AKR1C8: variants seen among roughly 807,000 people sequenced by gnomAD.
The protein encoded by AKR1C8 is aldo-keto reductase family 1 member C-like protein 1.
the AKR1C8 span, chr10:5,162,063 T>C: frequency 2.2e-6 from 1 of 446,692 alleles, no homozygotes; most frequent in Non-Finnish European, 4.6e-6. Flanking sequence ...GAGATATGAG[T>C]CTTAAAACAC....
At chr10:5,181,286 A>G in the AKR1C8 span, among the ~76,000 whole-genome samples, 1 of 152,228 alleles carries the variant, frequency 6.6e-6, no homozygotes, top group East Asian at 1.9e-4. Context: ...TGACATTAAT[A>G]AAAAACTAAT....
chr10:5,128,131 C>T, the AKR1C8 span, among the ~76,000 whole-genome samples: 1 of 152,242 alleles, frequency 6.6e-6, no homozygotes, highest in South Asian at 2.1e-4. Flanking sequence ...TATCTTTAGC[C>T]TTCTTAAACA....
chr10:5,127,850 A>C, the AKR1C8 span, among the ~76,000 whole-genome samples: 1 of 152,126 alleles, frequency 6.6e-6, no homozygotes, highest in African/African-American at 2.4e-5. Flanking sequence ...AAAGTTTGGA[A>C]AACTTACCTG....
the AKR1C8 span, chr10:5,123,922 A>T: frequency 8.1e-7 from 1 of 1,239,476 alleles, no homozygotes; most frequent in Non-Finnish European, 1.1e-6. Flanking sequence ...AAATATGTGT[A>T]GCATCAAATT....
At chr10:5,127,527 T>A in the AKR1C8 span, among the ~76,000 whole-genome samples, 1 of 151,920 alleles carries the variant, frequency 6.6e-6, no homozygotes, top group African/African-American at 2.4e-5. Flanking sequence ...AAGATCAGCC[T>A]GGCCAACATG....
the AKR1C8 span, chr10:5,159,846 A>G: frequency 8.2e-6 from 4 of 487,328 alleles, no homozygotes; most frequent in Non-Finnish European, 1.7e-5. Context: ...GTGAACAGCA[A>G]AAAGTCAGAG....
chr10:5,151,304 GCTAATATATTAGTC>G, the AKR1C8 span, among the ~76,000 whole-genome samples: 410 of 152,214 alleles, frequency 2.7e-3, 2 homozygotes, highest in African/African-American at 9.2e-3. Context: ...TAATCTTGTG[GCTAATATATTAGTC>G]CTACTAAAGC....
At chr10:5,182,419 A>C in the AKR1C8 span, among the ~76,000 whole-genome samples, 4 of 152,118 alleles carry the variant, frequency 2.6e-5, no homozygotes, top group Admixed American at 2.0e-4. Context: ...ACCTATAATA[A>C]ATAAAGAATG....
chr10:5,181,309 T>C, the AKR1C8 span, among the ~76,000 whole-genome samples: 1 of 152,168 alleles, frequency 6.6e-6, no homozygotes, highest in Non-Finnish European at 1.5e-5. Context: ...AAGGGTGAAA[T>C]TCGACTTTCT....
At chr10:5,118,843 TTTTC>T in the AKR1C8 span, among the ~76,000 whole-genome samples, 3 of 152,158 alleles carry the variant, frequency 2.0e-5, no homozygotes, top group African/African-American at 4.8e-5. Flanking sequence ...AGATATTTTG[TTTTC>T]TTTCTATTAC....
At chr10:5,144,554 C>T in the AKR1C8 span, among the ~76,000 whole-genome samples, 27 of 151,128 alleles carry the variant, frequency 1.8e-4, no homozygotes, top group Non-Finnish European at 3.5e-4. Context: ...TTTCCTTGAG[C>T]AGTGGTTTGT....
the AKR1C8 span, among the ~76,000 whole-genome samples, chr10:5,173,561 A>G: frequency 6.6e-6 from 1 of 152,024 alleles, no homozygotes; most frequent in Non-Finnish European, 1.5e-5. Context: ...CTATAAACAA[A>G]TAGTGGTACA....
chr10:5,183,398 A>G, the AKR1C8 span, among the ~76,000 whole-genome samples: 1 of 152,178 alleles, frequency 6.6e-6, no homozygotes, highest in Non-Finnish European at 1.5e-5. Flanking sequence ...ATCAGGACGT[A>G]TCAACAACCT....
the AKR1C8 span, among the ~76,000 whole-genome samples, chr10:5,125,739 TCA>T: frequency 6.6e-5 from 10 of 152,196 alleles, no homozygotes; most frequent in African/African-American, 1.9e-4. Flanking sequence ...CCAAGGAATC[TCA>T]CAGAGTCTAT....
At chr10:5,172,352 ATAAGGT>A in the AKR1C8 span, among the ~76,000 whole-genome samples, 1 of 152,084 alleles carries the variant, frequency 6.6e-6, no homozygotes, top group African/African-American at 2.4e-5. Flanking sequence ...AAGTTACCAC[ATAAGGT>A]TTTTTAAATA....
chr10:5,131,130 T>G, the AKR1C8 span, among the ~76,000 whole-genome samples: 9,605 of 152,028 alleles, frequency 0.063, 350 homozygotes, highest in Middle Eastern at 0.082. Flanking sequence ...GTAAGCCACA[T>G]GTAGAAGAAT....
At chr10:5,145,165 G>T in the AKR1C8 span, among the ~76,000 whole-genome samples, 1 of 151,990 alleles carries the variant, frequency 6.6e-6, no homozygotes, top group Non-Finnish European at 1.5e-5. Flanking sequence ...TTATATACTG[G>T]ATTACATTTA....
the AKR1C8 span, among the ~76,000 whole-genome samples, chr10:5,118,477 T>C: frequency 1.7e-4 from 26 of 152,306 alleles, no homozygotes; most frequent in African/African-American, 6.0e-4. Context: ...GTTATGGCCA[T>C]AATTTACACA....
At chr10:5,125,063 A>T in the AKR1C8 span, among the ~76,000 whole-genome samples, 2 of 150,894 alleles carry the variant, frequency 1.3e-5, no homozygotes, top group South Asian at 4.2e-4. Context: ...TGTTTTCACG[A>T]TACATCTTAT....
Sources: allele counts gnomAD v4.1 joint callset (sites outside exome capture counted in the v4.1 genomes callset), GRCh38; gene constraint gnomAD v4.1.1; transcripts MANE v1.5; gene names NCBI Gene and HGNC (gene_info 2026-07-23, HGNC 2026-07-21).